Variants in HSD17B4 observed in about 807,000 individuals in gnomAD.
HSD17B4 encodes the protein peroxisomal multifunctional enzyme type 2.
A neutral mutation model predicts 101.0 loss-of-function variants in HSD17B4; 70 were observed. The ratio of observed to expected loss-of-function variants is 0.69; its 90% confidence interval spans 0.57 to 0.85. The LOEUF is 0.85. HSD17B4 is among the 40% of genes least tolerant of loss of function. The pLI is 0.00. For synonymous variants in HSD17B4, 347 were observed against 297.1 expected, an observed-to-expected ratio of 1.17 and a Z score of -1.73; for missense variants, 984 against 892.4, an observed-to-expected ratio of 1.10 and a Z score of -1.31.
intron 8 of HSD17B4, among the ~76,000 whole-genome samples, chr5:119,483,170 TCCTCCTAAGATTGGGC>T (rs978179670): frequency 1.3e-5 from 2 of 152,162 alleles, no homozygotes; most frequent in South Asian, 2.1e-4. Context: ...TGTTGGAGTC[TCCTCCTAAGATTGGGC>T]CCTCCTAAGA....
chr5:119,527,119 A>G lies in HSD17B4; in HGVS notation c.1681-14A>G, dbSNP rs946165522. 6 of 1,519,116 alleles carry G rather than the reference A, an allele frequency of 3.9e-6. No homozygotes were observed. Among genetic ancestry groups the G allele is most frequent in the Admixed American group, 3.4e-5 (2 of 59,696 alleles). 94.1% of individuals were successfully genotyped at this position (1,519,116 alleles called of 1,614,324 possible). On this transcript the variant is annotated splice_polypyrimidine_tract_variant and intron_variant, in intron 19 of 23. Transcript: ENST00000510025. ...CTTTTAAAACATTTTTAACCCCACAATTCTTTTTTAAAGGCTCGTTTTGCA... is the reference window on the plus strand; with the variant it reads ...CTTTTAAAACATTTTTAACCCCACAGTTCTTTTTTAAAGGCTCGTTTTGCA...
intron 15 of HSD17B4, 39 bp downstream of exon 15, chr5:119,506,928 T>C: frequency 9.6e-7 from 1 of 1,042,936 alleles, no homozygotes; most frequent in Non-Finnish European, 1.5e-6. Flanking sequence ...ATTGTTAGAT[T>C]GATAGGCTTT....
At chr5:119,478,680 A>AT (rs1287038825) in intron 7 of HSD17B4, among the ~76,000 whole-genome samples, 154 bp from the exon 8 acceptor site, 1 of 152,196 alleles carries the variant, frequency 6.6e-6, no homozygotes, top group African/African-American at 2.4e-5. Flanking sequence ...TTATATATTA[A>AT]TATTATTTTA....
chr5:119,462,835 A>T (rs918444778), intron 2 of HSD17B4, among the ~76,000 whole-genome samples: 9 of 152,144 alleles, frequency 5.9e-5, no homozygotes, highest in Non-Finnish European at 1.2e-4. Flanking sequence ...TCAAACATTT[A>T]TCCTTTCTTT....
chr5:119,531,182 T>A, intron 21 of HSD17B4, 84 bp from the exon 22 acceptor site: 1 of 1,417,634 alleles, frequency 7.1e-7, no homozygotes, highest in Middle Eastern at 1.8e-4. Context: ...TAAAAAATCT[T>A]TTTTTTGCAC....
intron 7 of HSD17B4, 88 bp downstream of exon 7, chr5:119,477,589 G>C: frequency 1.1e-6 from 1 of 907,520 alleles, no homozygotes. Context: ...GAAGTGTTGT[G>C]AAATGATTTA....
At chr5:119,467,974 AAAAATCT>A (rs1317623176) in intron 2 of HSD17B4, among the ~76,000 whole-genome samples, 3 of 152,236 alleles carry the variant, frequency 2.0e-5, no homozygotes, top group Non-Finnish European at 4.4e-5. Flanking sequence ...GAGTATTTAA[AAAAATCT>A]ATCCAGCCAA....
At chr5:119,520,803 A>G (rs1302015460) in intron 17 of HSD17B4, among the ~76,000 whole-genome samples, 2 of 151,898 alleles carry the variant, frequency 1.3e-5, no homozygotes, top group African/African-American at 2.4e-5. Flanking sequence ...TTAATGCCTC[A>G]TTTTCCCATT....
chr5:119,537,135 T>C (rs1029549494), intron 23 of HSD17B4, among the ~76,000 whole-genome samples: 13 of 152,154 alleles, frequency 8.5e-5, no homozygotes, highest in African/African-American at 3.1e-4. Context: ...AACTAACTTA[T>C]TGATTCTTAG....
At chr5:119,525,689 T>C (rs1018127682) in intron 18 of HSD17B4, 1 of 564,832 alleles carries the variant, frequency 1.8e-6, no homozygotes, top group Non-Finnish European at 3.1e-6. Flanking sequence ...TGTTTCCAGA[T>C]CTCTCACATT....
intron 1 of HSD17B4, among the ~76,000 whole-genome samples, chr5:119,455,870 G>A (rs1260104490): frequency 1.3e-5 from 2 of 152,136 alleles, no homozygotes; most frequent in African/African-American, 4.8e-5. Context: ...CCTGAAGTAT[G>A]GAAGCTGCCA....
chr5:119,533,627 G>T (rs964577487), intron 22 of HSD17B4, among the ~76,000 whole-genome samples: 1 of 152,064 alleles, frequency 6.6e-6, no homozygotes, highest in Non-Finnish European at 1.5e-5. Context: ...AAGAAGGTAA[G>T]TTGTGGTACC....
At chr5:119,530,922 A>T (rs1437703452) in intron 21 of HSD17B4, among the ~76,000 whole-genome samples, 1 of 151,146 alleles carries the variant, frequency 6.6e-6, no homozygotes, top group Non-Finnish European at 1.5e-5. Flanking sequence ...TTCAGACTTC[A>T]TGTAATTTAG....
chr5:119,522,130 C>T (rs548913355), intron 17 of HSD17B4, among the ~76,000 whole-genome samples: 1 of 152,126 alleles, frequency 6.6e-6, no homozygotes, highest in East Asian at 1.9e-4. Flanking sequence ...GTTCCCCTTC[C>T]TGTGTCCAAG....
At chr5:119,522,318 T>C (rs1054076792) in intron 17 of HSD17B4, among the ~76,000 whole-genome samples, 3 of 152,222 alleles carry the variant, frequency 2.0e-5, no homozygotes, top group East Asian at 1.9e-4. Context: ...GCTACATTTT[T>C]TTAATCCAGT....
At chr5:119,485,211 C>A (rs1362881571) in intron 8 of HSD17B4, among the ~76,000 whole-genome samples, 1 of 152,034 alleles carries the variant, frequency 6.6e-6, no homozygotes, top group Non-Finnish European at 1.5e-5. Flanking sequence ...CACTTTTTGC[C>A]ATCGGTTCTA....
At chr5:119,534,201 A>T (rs900199536) in intron 22 of HSD17B4, among the ~76,000 whole-genome samples, 30 of 152,056 alleles carry the variant, frequency 2.0e-4, no homozygotes, top group African/African-American at 7.2e-4. Context: ...CATTTCCATT[A>T]TAGGAACATA....
chr5:119,470,852 A>T (rs1458501056), intron 2 of HSD17B4, among the ~76,000 whole-genome samples: 1 of 152,146 alleles, frequency 6.6e-6, no homozygotes, highest in Non-Finnish European at 1.5e-5. Context: ...AATTTCTGTG[A>T]TTTCGCTCTG....
intron 17 of HSD17B4, among the ~76,000 whole-genome samples, chr5:119,524,701 G>A (rs923348564): frequency 1.3e-5 from 2 of 152,080 alleles, no homozygotes; most frequent in African/African-American, 2.4e-5. Flanking sequence ...ATAATAGCAA[G>A]CTATCAGTTC....
Sources: gnomAD v4.1 joint callset for allele counts (sites outside exome capture counted in the v4.1 genomes callset) on GRCh38, gnomAD v4.1.1 for gene constraint, MANE v1.5 for transcripts, NCBI Gene and HGNC (gene_info 2026-07-23, HGNC 2026-07-21) for gene names.